DOCK8: variants seen among roughly 807,000 people sequenced by gnomAD.
DOCK8 encodes dedicator of cytokinesis protein 8.
A neutral mutation model predicts 245.6 loss-of-function variants in DOCK8; 141 were observed. The ratio of observed to expected loss-of-function variants is 0.57; its 90% CI spans 0.50 to 0.66. The LOEUF (loss-of-function observed/expected upper bound fraction) is 0.66, where lower values mean the gene tolerates loss of function less well. DOCK8 is among the 30% of genes least tolerant of loss of function. The pLI is 0.00. For synonymous variants in DOCK8, 1,168 were observed against 970.2 expected (o/e 1.20, Z -3.79); for missense variants, 2,965 against 2,603.4 (o/e 1.14, Z -3.02).
Position 403,974 on chromosome 9 carries a change from ATGTG to A in DOCK8, c.3235-942_3235-939del, listed in dbSNP as rs1168302901. On this transcript the variant is annotated intron_variant, in intron 26 of 47. Transcript: ENST00000432829. ...TATATATATATGTATATATATATAT[ATGTG>A]TATATATATATATGTGTATATATAT... Among the ~76,000 whole-genome samples the A allele has an allele frequency of 1.4e-3, 94 of 68,704 alleles. 1 individual carries two copies. Among genetic ancestry groups the A allele is most frequent in the African/African-American group, 9.3e-3 (93 of 9,956 alleles). The allele number at this position is 68,704 out of a possible 152,430, so 45.1% of individuals were successfully genotyped here. A position where few individuals can be genotyped will look rare whatever the true frequency, so the allele number is the denominator to read the frequency against.
intron 1 of DOCK8, among the ~76,000 whole-genome samples, chr9:252,567 C>T (rs932886299): frequency 6.6e-6 from 1 of 151,906 alleles, no homozygotes; most frequent in Non-Finnish European, 1.5e-5. Flanking sequence ...CTTTGGGAGG[C>T]CGAGGCGGGC....
At chr9:237,858 A>G (rs2047292290) in intron 1 of DOCK8, among the ~76,000 whole-genome samples, 1 of 152,174 alleles carries the variant, frequency 6.6e-6, no homozygotes, top group Non-Finnish European at 1.5e-5. Flanking sequence ...ATATTTAAAC[A>G]GCATATATTT....
At chr9:226,082 C>T (rs1275661471) in intron 1 of DOCK8, among the ~76,000 whole-genome samples, 1 of 152,124 alleles carries the variant, frequency 6.6e-6, no homozygotes, top group Non-Finnish European at 1.5e-5. Flanking sequence ...TGAAGAAATA[C>T]CCAAGACTGG....
At chr9:381,917 G>A (rs2053735176) in intron 21 of DOCK8, among the ~76,000 whole-genome samples, 1 of 151,304 alleles carries the variant, frequency 6.6e-6, no homozygotes, top group South Asian at 2.1e-4. Context: ...CTGAGATCAT[G>A]CCACTGCACT....
At chr9:344,731 T>G (rs941149988) in intron 14 of DOCK8, among the ~76,000 whole-genome samples, 1 of 152,172 alleles carries the variant, frequency 6.6e-6, no homozygotes, top group African/African-American at 2.4e-5. Context: ...CAGGTATGGA[T>G]TAGTCTTATC....
At position 441,424 on chromosome 9, in the gene DOCK8, G is replaced by A. The variant is rs566331721; in HGVS notation, c.5355+7G>A. On this transcript the variant is annotated splice_region_variant and intron_variant, in intron 41 of 47. Coordinates refer to ENST00000432829, the MANE Select transcript of DOCK8 (RefSeq NM_203447.4). The stretch of plus-strand genomic sequence containing the variant: ...CGACAGCATCGTTAACAAGGTAGCC[G>A]GGGAGCCTGGCTGGCAGGTCTTGTT... 5.9e-5 allele frequency: 95 copies of A among 1,614,032 alleles called. No homozygotes were observed. In the East Asian group the frequency reaches 6.9e-4, roughly 12 times the overall value.
chr9:291,546 A>T (rs2130384802), intron 4 of DOCK8, among the ~76,000 whole-genome samples: 1 of 152,288 alleles, frequency 6.6e-6, no homozygotes, highest in Non-Finnish European at 1.5e-5. Context: ...ATGCTTCCTC[A>T]ATACAATGAT....
At chr9:237,161 G>C (rs1418041951) in intron 1 of DOCK8, among the ~76,000 whole-genome samples, 1 of 152,232 alleles carries the variant, frequency 6.6e-6, no homozygotes, top group Non-Finnish European at 1.5e-5. Flanking sequence ...ACCTACTGTG[G>C]TTTGCTGTTG....
At chr9:220,315 A>C (rs561058593) in intron 1 of DOCK8, among the ~76,000 whole-genome samples, 1 of 152,286 alleles carries the variant, frequency 6.6e-6, no homozygotes, top group East Asian at 1.9e-4. Context: ...TACCAGGGTG[A>C]ATTTTCTTCA....
chr9:460,612 T>C (rs1415697216), intron 46 of DOCK8: 3 of 152,274 alleles, frequency 2.0e-5, no homozygotes, highest in Non-Finnish European at 4.4e-5. Context: ...ATAATTTGCT[T>C]CAATTAATGA....
At chr9:296,750 A>G (rs12344076) in intron 4 of DOCK8, among the ~76,000 whole-genome samples, 4,480 of 152,250 alleles carry the variant, frequency 0.029, 113 homozygotes, top group African/African-American at 0.062. Flanking sequence ...AAAGTATGAA[A>G]AGCACGCCCG....
At chr9:327,175 C>G (rs912258732) in intron 8 of DOCK8, among the ~76,000 whole-genome samples, 2 of 152,152 alleles carry the variant, frequency 1.3e-5, no homozygotes, top group Admixed American at 6.5e-5. Context: ...TATTCATACT[C>G]TAATCTCTCC....
chr9:441,327 C>A lies in DOCK8; in HGVS notation c.5265C>A (p.Val1755=). The change falls in exon 41 of 48, where the codon GTC becomes GTA. Residue 1755 remains valine (V), a synonymous_variant. Coordinates refer to ENST00000432829, the MANE Select transcript of DOCK8 (RefSeq NM_203447.4). ...CAGTTAATGAGGTCTACAAGCTGGT[C>A]ATCCCCATCCTAGAAGCGCATCGAG... ...YETVNEVYKL[V]IPILEAHREF... 6.2e-7 allele frequency: 1 copy of A among 1,614,210 alleles called. No homozygotes were observed. Among genetic ancestry groups the A allele is most frequent in the South Asian group, 1.1e-5 (1 of 91,068 alleles).
At chr9:376,779 T>C (rs1458510568) in intron 19 of DOCK8, among the ~76,000 whole-genome samples, 198 bp from the exon 20 acceptor site, 1 of 152,228 alleles carries the variant, frequency 6.6e-6, no homozygotes, top group Non-Finnish European at 1.5e-5. Flanking sequence ...CTAATAATTA[T>C]TGAAACGTTC....
intron 24 of DOCK8, among the ~76,000 whole-genome samples, chr9:391,403 A>T (rs1006658191): frequency 4.6e-5 from 7 of 152,154 alleles, no homozygotes; most frequent in African/African-American, 1.7e-4. Context: ...CTCTAGCCTC[A>T]GCACACTGCT....
chr9:338,333 C>A (rs568525951), intron 12 of DOCK8, among the ~76,000 whole-genome samples: 1 of 152,096 alleles, frequency 6.6e-6, no homozygotes, highest in Admixed American at 6.5e-5. Context: ...ATGCTGAGGG[C>A]GCCTGTGCAC....
At chr9:386,216 G>C in intron 22 of DOCK8, 115 bp from the exon 23 acceptor site, 1 of 857,298 alleles carries the variant, frequency 1.2e-6, no homozygotes, top group Non-Finnish European at 1.9e-6. Flanking sequence ...TTTTACCTTT[G>C]TAACCAGGAA....
intron 24 of DOCK8, among the ~76,000 whole-genome samples, chr9:391,796 C>A (rs1419459859): frequency 2.3e-5 from 3 of 131,240 alleles, no homozygotes; most frequent in South Asian, 2.5e-4. Flanking sequence ...TCATTGGGTT[C>A]TTTCCCCTGT....
At chr9:218,766 AG>A (rs770259630) in intron 1 of DOCK8, among the ~76,000 whole-genome samples, 9 of 152,240 alleles carry the variant, frequency 5.9e-5, no homozygotes, top group Non-Finnish European at 1.2e-4. Flanking sequence ...TGTAGAATGC[AG>A]AAAAAAACAT....
Sources: allele counts gnomAD v4.1 joint callset (sites outside exome capture counted in the v4.1 genomes callset), GRCh38; gene constraint gnomAD v4.1.1; transcripts MANE v1.5; gene names NCBI Gene and HGNC (gene_info 2026-07-23, HGNC 2026-07-21).